The following TDRD7 variants were observed in gnomAD, a reference collection of about 807,000 sequenced individuals.
The protein encoded by TDRD7 is tudor domain-containing protein 7.
TDRD7 carries 47 observed loss-of-function variants against 109.8 expected under a neutral mutation model. The ratio of observed to expected loss-of-function variants is 0.43; its 90% confidence interval spans 0.34 to 0.55. TDRD7 has a LOEUF of 0.55. TDRD7 is among the 20% of genes least tolerant of loss of function. The pLI is 0.03. For missense variants in TDRD7, 1,164 were observed against 1,319.2 expected, an observed-to-expected ratio of 0.88 and a Z score of 1.82; for synonymous variants, 424 against 457.3, an observed-to-expected ratio of 0.93 and a Z score of 0.93.
At chr9:97,456,251 A>G (rs1223149395) in intron 6 of TDRD7, among the ~76,000 whole-genome samples, 1 of 152,250 alleles carries the variant, frequency 6.6e-6, no homozygotes, top group Non-Finnish European at 1.5e-5. Flanking sequence ...CATACTGCCC[A>G]AAGTGATTTC....
At chr9:97,430,911 T>G (rs1828093063) in intron 2 of TDRD7, 22 bp from the exon 3 acceptor site, 1 of 1,613,506 alleles carries the variant, frequency 6.2e-7, no homozygotes, top group African/African-American at 1.3e-5. Flanking sequence ...GTTTCTCCTC[T>G]TACCCTGCCT....
intron 5 of TDRD7, 134 bp from the exon 6 acceptor site, chr9:97,441,524 C>G (rs557084922): frequency 4.0e-6 from 3 of 749,434 alleles, no homozygotes; most frequent in Non-Finnish European, 6.8e-6. Flanking sequence ...TCTGCCTAAT[C>G]CTGCTCCCTT....
intron 6 of TDRD7, among the ~76,000 whole-genome samples, chr9:97,457,063 A>G (rs1432765778): frequency 3.3e-5 from 5 of 152,356 alleles, no homozygotes; most frequent in East Asian, 1.9e-4. Context: ...CAAACATGAA[A>G]AAAAGCTCAA....
intron 12 of TDRD7, among the ~76,000 whole-genome samples, chr9:97,476,215 G>T (rs998715245): frequency 2.6e-5 from 4 of 152,100 alleles, no homozygotes; most frequent in African/African-American, 7.2e-5. Context: ...GATCCTCCCT[G>T]CCTCCTGCCT....
At chr9:97,438,776 T>C (rs1316561897) in intron 4 of TDRD7, among the ~76,000 whole-genome samples, 2 of 152,208 alleles carry the variant, frequency 1.3e-5, no homozygotes, top group East Asian at 1.9e-4. Flanking sequence ...CAAGATATAA[T>C]GCAAATTGCA....
Position 97,480,913 on chromosome 9 carries a change from T to C in TDRD7, c.2387T>C (p.Leu796Ser), listed in dbSNP as rs780557179. ...DAVLWLRDSVLNCSDCSIKVT... is the reference protein window; with the variant it reads ...DAVLWLRDSVSNCSDCSIKVT... ...GTGCTGTGGTTAAGAGATTCTGTTTTGAATTGCTCGGACTGTAGCATTAAG... is the reference window on the plus strand; with the variant it reads ...GTGCTGTGGTTAAGAGATTCTGTTTCGAATTGCTCGGACTGTAGCATTAAG... Residue 796 changes from leucine to serine, a missense_variant, in exon 14 of 17, where the codon TTG (leucine) becomes TCG (serine). Around this residue, in one of 5 missense-constraint regions of TDRD7, gnomAD observed 233 missense variants for 218.0 expected, o/e 1.07. Coordinates refer to ENST00000355295, the MANE Select transcript of TDRD7 (RefSeq NM_014290.3). The C allele has an allele frequency of 3.7e-6, 6 of 1,614,116 alleles. No individual in the cohort carries two copies. The East Asian group carries it at 1.1e-4, about 30-fold the overall frequency.
At chr9:97,467,929 A>T (rs917492776) in intron 8 of TDRD7, among the ~76,000 whole-genome samples, 2 of 152,238 alleles carry the variant, frequency 1.3e-5, no homozygotes, top group East Asian at 3.8e-4. Context: ...AGTGGATGGT[A>T]AGCAAAAGAG....
At chr9:97,469,476 AG>A (rs1828876216) in intron 8 of TDRD7, among the ~76,000 whole-genome samples, 1 of 152,130 alleles carries the variant, frequency 6.6e-6, no homozygotes, top group South Asian at 2.1e-4. Context: ...TCTGCTGGGA[AG>A]GGTTTTTGTT....
At chr9:97,453,041 A>G (rs891046994) in intron 6 of TDRD7, among the ~76,000 whole-genome samples, 44 of 152,206 alleles carry the variant, frequency 2.9e-4, no homozygotes, top group African/African-American at 9.9e-4. Context: ...AAAGAAAAAG[A>G]TAATAAAGCC....
intron 13 of TDRD7, 147 bp downstream of exon 13, chr9:97,478,720 A>G: frequency 9.0e-7 from 1 of 1,106,594 alleles, no homozygotes; most frequent in Non-Finnish European, 1.3e-6. Context: ...GGTTTTCAGA[A>G]GTAAAACATT....
intron 6 of TDRD7, among the ~76,000 whole-genome samples, chr9:97,454,398 G>A (rs932123537): frequency 9.2e-5 from 14 of 152,110 alleles, no homozygotes; most frequent in Admixed American, 6.5e-5. Context: ...GAAAAATGGC[G>A]TGCACCAGGG....
Position 97,439,307 on chromosome 9 carries a change from A to T in TDRD7, c.626A>T (p.Lys209Met). The T allele has an allele frequency of 6.2e-7, 1 of 1,603,412 alleles. No individual in the cohort carries two copies. The stretch of plus-strand genomic sequence containing the variant: ...ATGCATCTCTCAAGAACCTCTACTA[A>T]GGAAATGAGTGGTATGTTTTCCAAA... ...LQMHLSRTST[K>M]EMSDNLNQTV... The change falls in exon 5 of 17, where the codon AAG becomes ATG. Residue 209 changes from lysine (K) to methionine (M), a missense_variant. By Grantham distance (95) the Lys-to-Met change is moderately conservative (BLOSUM62 -1). Around this residue, in one of 5 missense-constraint regions of TDRD7, gnomAD observed 407 missense variants for 394.0 expected, o/e 1.03. Coordinates refer to ENST00000355295, the MANE Select transcript of TDRD7 (RefSeq NM_014290.3).
intron 11 of TDRD7, among the ~76,000 whole-genome samples, chr9:97,474,885 T>G (rs934462844): frequency 6.6e-6 from 1 of 152,220 alleles, no homozygotes; most frequent in Non-Finnish European, 1.5e-5. Flanking sequence ...ACTTCATCTT[T>G]ACAGCTGTGA....
At position 97,473,495 on chromosome 9, in the gene TDRD7, G is replaced by A. The variant is rs1223476321; in HGVS notation, c.1948G>A (p.Asp650Asn). The A allele has an allele frequency of 1.2e-6, 2 of 1,613,452 alleles. No homozygotes were observed. Among genetic ancestry groups the A allele is most frequent in the East Asian group, 2.2e-5 (1 of 44,852 alleles). Residue 650 changes from aspartate (D) to asparagine (N), a missense_variant, in exon 11 of 17, where the codon GAC becomes AAC. This residue lies in a region of TDRD7 where 261 missense variants were observed against 336.2 expected (regional missense o/e 0.78). Transcript: ENST00000355295. ...DKSLEVHLQV[D>N]AMYTNVKVTN... ...AGGTATCCTTTGTCTGTTATAGGTT[G>A]ACGCCATGTACACAAATGTCAAAGT...
At chr9:97,417,961 C>T (rs1827837799) in intron 1 of TDRD7, among the ~76,000 whole-genome samples, 1 of 152,090 alleles carries the variant, frequency 6.6e-6, no homozygotes, top group Non-Finnish European at 1.5e-5. Context: ...CCCGTCCCTA[C>T]TAAAAATACA....
chr9:97,472,740 A>G (rs1467001791), intron 10 of TDRD7, among the ~76,000 whole-genome samples: 1 of 152,092 alleles, frequency 6.6e-6, no homozygotes, highest in African/African-American at 2.4e-5. Flanking sequence ...ATATGAGATT[A>G]TTTTGTAAAG....
chr9:97,490,271 TTTTG>T (rs1359719185), intron 16 of TDRD7, among the ~76,000 whole-genome samples: 1 of 152,118 alleles, frequency 6.6e-6, no homozygotes, highest in East Asian at 1.9e-4. Context: ...TTCTCCCAAT[TTTTG>T]TTTGTCTGAG....
At chr9:97,456,077 G>A (rs544357547) in intron 6 of TDRD7, among the ~76,000 whole-genome samples, 86 of 152,216 alleles carry the variant, frequency 5.6e-4, no homozygotes, top group African/African-American at 2.0e-3. Flanking sequence ...ATTGGCGATC[G>A]CTACAAAGAG....
chr9:97,465,691 G>A (rs1221791327), intron 8 of TDRD7, among the ~76,000 whole-genome samples: 1 of 152,146 alleles, frequency 6.6e-6, no homozygotes, highest in East Asian at 1.9e-4. Context: ...AGCTCCGTGT[G>A]CTGTGTGGTC....
Sources: gnomAD v4.1 joint callset for allele counts (sites outside exome capture counted in the v4.1 genomes callset) on GRCh38, gnomAD v4.1.1 for gene constraint, gnomAD v4.1.1 regional missense constraint, MANE v1.5 for transcripts, NCBI Gene and HGNC (gene_info 2026-07-23, HGNC 2026-07-21) for gene names.